The following ZFAT variants were observed in gnomAD, a reference collection of about 807,000 sequenced individuals.
ZFAT encodes zinc finger protein ZFAT.
In ZFAT, 64 loss-of-function variants were observed where a neutral mutation model predicts 117.7. That is an observed-to-expected ratio of 0.54 (90% CI 0.44 to 0.67). ZFAT has a LOEUF of 0.67. Among genes scored for constraint, ZFAT ranks in the 30% least tolerant of loss-of-function variants. The probability of loss-of-function intolerance (pLI) is 0.00; values close to 1 mark genes in which losing one functional copy is unlikely to be tolerated. For missense variants in ZFAT, 1,433 were observed against 1,584.5 expected, an observed-to-expected ratio of 0.90 and a Z score of 1.62; for synonymous variants, 679 against 615.0, an observed-to-expected ratio of 1.10 and a Z score of -1.54.
At position 134,637,676 on chromosome 8, in the gene ZFAT, T is replaced by C; in HGVS notation, c.233A>G (p.Lys78Arg). 6.2e-7 allele frequency: 1 copy of C among 1,614,146 alleles called. No individual in the cohort carries two copies. Among genetic ancestry groups the C allele is most frequent in the Non-Finnish European group, 8.5e-7 (1 of 1,180,040 alleles). ...TGTGCTGGACTTCTTCGTGGACCCCTTAGGCCTGCCTCTCTTCCTCTTCAT... is the reference window on the plus strand; with the variant it reads ...TGTGCTGGACTTCTTCGTGGACCCCCTAGGCCTGCCTCTCTTCCTCTTCAT... ...LVMKRKRGRP[K>R]GSTKKSSTEE... is the part of the protein sequence containing the mutation. The change falls in exon 3 of 16, where the codon AAG (lysine) becomes AGG (arginine). Residue 78 changes from lysine (K) to arginine (R), a missense_variant. By Grantham distance (26) the Lys-to-Arg change is conservative (BLOSUM62 2). Transcript: ENST00000377838.
At position 134,712,877 on chromosome 8, in the gene ZFAT, C is replaced by A. The variant is rs1208527597; in HGVS notation, c.-14G>T. On this transcript the variant is annotated 5_prime_UTR_variant, in exon 1 of 16. Coordinates refer to ENST00000377838, the MANE Select transcript of ZFAT (RefSeq NM_020863.4). ...CCGCGTCTCCATGGCAACGCCCCACCGCGGAGGAAAAAAAAGCCTCGGGCT... is the reference window on the plus strand; with the variant it reads ...CCGCGTCTCCATGGCAACGCCCCACAGCGGAGGAAAAAAAAGCCTCGGGCT... 4.0e-6 allele frequency: 6 copies of A among 1,509,296 alleles called. No individual in the cohort carries two copies. Among genetic ancestry groups the A allele is most frequent in the Non-Finnish European group, 4.4e-6 (5 of 1,129,302 alleles). The allele number at this position is 1,509,296 out of a possible 1,614,324, so 93.5% of individuals were successfully genotyped here. A position where few individuals can be genotyped will look rare whatever the true frequency, so the allele number is the denominator to read the frequency against.
the ZFAT span, among the ~76,000 whole-genome samples, chr8:134,720,565 A>G: frequency 6.6e-6 from 1 of 152,244 alleles, no homozygotes; most frequent in African/African-American, 2.4e-5. Context: ...GGAACACGGA[A>G]GACAAGCCAG....
chr8:134,654,570 G>A (rs1831477518), intron 2 of ZFAT, among the ~76,000 whole-genome samples: 1 of 152,102 alleles, frequency 6.6e-6, no homozygotes, highest in Non-Finnish European at 1.5e-5. Context: ...TGCTGCCAAG[G>A]GCACTCCACA....
chr8:134,530,020 A>T (rs1821299622), intron 12 of ZFAT, among the ~76,000 whole-genome samples: 2 of 152,022 alleles, frequency 1.3e-5, no homozygotes. Flanking sequence ...TGTGCACTGA[A>T]CCCCTCCCTG....
intron 7 of ZFAT, chr8:134,598,382 T>C (rs1563651506): frequency 1.3e-5 from 2 of 152,236 alleles, no homozygotes; most frequent in African/African-American, 2.4e-5. Flanking sequence ...CATGTTCACA[T>C]TGAAGAGATA....
rs757579630 is a variant in ZFAT at position 134,601,735 on chromosome 8, C to G, written c.1984G>C (p.Val662Leu). The change falls in exon 6 of 16, where the codon GTG (valine) becomes CTG (leucine). Residue 662 changes from valine (V) to leucine (L), a missense_variant. Transcript: ENST00000377838. ...SPLGEGQNMA[V>L]LSAGDPDPSR... ...GGATCTGGGTCACCAGCTGAAAGCACAGCCATGTTCTGCCCTTCCCCTAGG... is the reference window on the plus strand; with the variant it reads ...GGATCTGGGTCACCAGCTGAAAGCAGAGCCATGTTCTGCCCTTCCCCTAGG... 2 of 1,612,902 alleles carry G rather than the reference C, an allele frequency of 1.2e-6. No individual in the cohort carries two copies. The highest frequency in any genetic ancestry group is 1.3e-5 in the African/African-American group (1 of 74,916).
intron 1 of ZFAT, among the ~76,000 whole-genome samples, chr8:134,685,770 G>C (rs1267153307): frequency 6.6e-6 from 1 of 152,184 alleles, no homozygotes; most frequent in Non-Finnish European, 1.5e-5. Flanking sequence ...TCACCCTCCA[G>C]TGGCCCACCA....
chr8:134,655,799 C>T (rs75529348), intron 2 of ZFAT, among the ~76,000 whole-genome samples: 1,717 of 152,278 alleles, frequency 0.011, 32 homozygotes, highest in African/African-American at 0.039. Context: ...TTCGATCTGC[C>T]ATATGAATTG....
chr8:134,676,255 C>CAAAAAAAAAAAAAAAAA (rs146638821), intron 1 of ZFAT, among the ~76,000 whole-genome samples: 3 of 80,594 alleles, frequency 3.7e-5, no homozygotes, highest in African/African-American at 5.0e-5. Flanking sequence ...AAATGGAAAG[C>CAAAAAAAAAAAAAAAAA]AAAAAAAAAA....
intron 5 of ZFAT, among the ~76,000 whole-genome samples, chr8:134,608,509 T>A (rs1292432314): frequency 6.6e-6 from 1 of 152,158 alleles, no homozygotes; most frequent in Non-Finnish European, 1.5e-5. Context: ...GGTGCTCAGT[T>A]CTAAAAACAT....
the ZFAT span, among the ~76,000 whole-genome samples, chr8:134,761,982 ATG>A: frequency 0.27 from 40,032 of 147,010 alleles, 5,727 homozygotes; most frequent in Non-Finnish European, 0.33. Context: ...TTCTCTCTGT[ATG>A]TGTGTGTGTG....
chr8:134,617,020 T>A (rs146972177), intron 3 of ZFAT, among the ~76,000 whole-genome samples: 48 of 152,306 alleles, frequency 3.2e-4, no homozygotes, highest in African/African-American at 1.1e-3. Flanking sequence ...TGAAAACATA[T>A]CTGGGACACC....
the ZFAT span, among the ~76,000 whole-genome samples, chr8:134,821,492 T>A: frequency 6.6e-6 from 1 of 151,250 alleles, no homozygotes. Flanking sequence ...AACTTTGTCA[T>A]GAGTAGAGCG....
At chr8:134,481,200 G>C (rs922737657) in intron 15 of ZFAT, among the ~76,000 whole-genome samples, 3 of 152,144 alleles carry the variant, frequency 2.0e-5, no homozygotes, top group African/African-American at 7.2e-5. Flanking sequence ...CTTTGCAAGA[G>C]AGAACCTGAC....
intron 1 of ZFAT, among the ~76,000 whole-genome samples, chr8:134,660,244 G>A (rs1831858860): frequency 6.6e-6 from 1 of 152,224 alleles, no homozygotes; most frequent in African/African-American, 2.4e-5. Context: ...ATGGGCAAGA[G>A]GCAGGGACCA....
chr8:134,578,326 G>A (rs989469864), intron 10 of ZFAT, among the ~76,000 whole-genome samples: 6 of 149,378 alleles, frequency 4.0e-5, no homozygotes, highest in African/African-American at 7.4e-5. Flanking sequence ...CAGGAGAATC[G>A]CTTGAACCTG....
intron 11 of ZFAT, among the ~76,000 whole-genome samples, chr8:134,550,947 C>T (rs930278043): frequency 2.6e-5 from 4 of 152,180 alleles, no homozygotes; most frequent in Non-Finnish European, 5.9e-5. Flanking sequence ...ACACCACCAA[C>T]AGAAACTCTA....
intron 15 of ZFAT, among the ~76,000 whole-genome samples, chr8:134,503,614 G>A (rs1011770148): frequency 1.3e-5 from 2 of 152,164 alleles, no homozygotes; most frequent in African/African-American, 4.8e-5. Context: ...AAAGCAAATG[G>A]CCCTCCCTAG....
rs774734704 is a variant in ZFAT at position 134,532,964 on chromosome 8, G to A, written c.2985C>T (p.Arg995=). The A allele has an allele frequency of 2.5e-6, 4 of 1,603,914 alleles. No homozygotes were observed. Among genetic ancestry groups the A allele is most frequent in the Admixed American group, 1.7e-5 (1 of 58,542 alleles). The change falls in exon 12 of 16, where the codon CGC becomes CGT. Residue 995 remains arginine, a synonymous_variant. Coordinates refer to ENST00000377838, the MANE Select transcript of ZFAT (RefSeq NM_020863.4). Reference sequence around the variant, plus strand: ...TGCAGGAGTAATGGCAATGGGCACAGCGGAAAGGCTGCGGGGACAATGAGG... The same window carrying A: ...TGCAGGAGTAATGGCAATGGGCACAACGGAAAGGCTGCGGGGACAATGAGG... ...MEQHVSFKPF[R]CAHCHYSCNI...
Sources: allele counts gnomAD v4.1 joint callset (sites outside exome capture counted in the v4.1 genomes callset), GRCh38; gene constraint gnomAD v4.1.1; transcripts MANE v1.5; gene names NCBI Gene and HGNC (gene_info 2026-07-23, HGNC 2026-07-21).